The following ZDHHC17 variants were observed in gnomAD, a reference collection of about 807,000 sequenced individuals.
ZDHHC17 encodes zDHHC palmitoyltransferase 17, also known as palmitoyltransferase ZDHHC17.
In ZDHHC17, 40 loss-of-function variants were observed where a neutral mutation model predicts 90.3. The observed-to-expected ratio is 0.44, with a 90% confidence interval of 0.34 to 0.58. ZDHHC17 has a LOEUF of 0.58. ZDHHC17 is among the 20% of genes least tolerant of loss of function. The probability of loss-of-function intolerance (pLI) is 0.01; values close to 1 mark genes in which losing one functional copy is unlikely to be tolerated. For synonymous variants in ZDHHC17, 235 were observed against 252.4 expected (o/e 0.93, Z 0.65); for missense variants, 614 against 780.8 (o/e 0.79, Z 2.55).
chr12:76,846,646 A>T lies in ZDHHC17; in HGVS notation c.1474A>T (p.Met492Leu), dbSNP rs1953498441. The change falls in exon 14 of 17, where the codon ATG becomes TTG. Residue 492 changes from methionine to leucine, a missense_variant. Physicochemically the swap from Met to Leu is conservative, Grantham distance 15. Transcript: ENST00000426126. The part of the protein sequence containing the change: ...FMGYLFFLLF[M>L]ICWMIYGCIS... ...GGGCTACCTATTCTTCTTGCTTTTTATGATCTGCTGGATGATTTATGGTTG... is the reference window on the plus strand; with the variant it reads ...GGGCTACCTATTCTTCTTGCTTTTTTTGATCTGCTGGATGATTTATGGTTG... 6.2e-7 allele frequency: 1 copy of T among 1,611,940 alleles called. No homozygotes were observed.
intron 1 of ZDHHC17, among the ~76,000 whole-genome samples, chr12:76,775,568 A>G (rs1024396690): frequency 3.9e-5 from 6 of 152,224 alleles, no homozygotes; most frequent in Non-Finnish European, 5.9e-5. Flanking sequence ...TAATCCTTCA[A>G]TTAGTAGAAG....
chr12:76,774,873 A>G (rs1053746841), intron 1 of ZDHHC17, among the ~76,000 whole-genome samples: 3 of 152,224 alleles, frequency 2.0e-5, no homozygotes, highest in South Asian at 2.1e-4. Flanking sequence ...CGAAATTGCA[A>G]TAGTGACTGT....
intron 10 of ZDHHC17, among the ~76,000 whole-genome samples, chr12:76,835,427 G>C (rs915902038): frequency 8.6e-5 from 13 of 151,980 alleles, no homozygotes; most frequent in African/African-American, 3.1e-4. Context: ...TTGATACTTA[G>C]ACCTTTTATG....
chr12:76,815,434 G>GA (rs1388257820), intron 6 of ZDHHC17, among the ~76,000 whole-genome samples: 3 of 151,500 alleles, frequency 2.0e-5, no homozygotes, highest in African/African-American at 7.3e-5. Context: ...CAATATCTAA[G>GA]AAAAGAAGTT....
At chr12:76,801,479 C>T (rs948350813) in intron 2 of ZDHHC17, among the ~76,000 whole-genome samples, 3 of 151,526 alleles carry the variant, frequency 2.0e-5, no homozygotes, top group Non-Finnish European at 2.9e-5. Flanking sequence ...TGGTGAAACC[C>T]CGTCTCTACT....
At chr12:76,781,662 G>A (rs930584900) in intron 1 of ZDHHC17, 4 of 455,846 alleles carry the variant, frequency 8.8e-6, no homozygotes, top group African/African-American at 8.0e-5. Context: ...CCTTCACCTT[G>A]GACTACTCAG....
chr12:76,808,478 C>T (rs993624149), intron 3 of ZDHHC17, among the ~76,000 whole-genome samples: 13 of 152,032 alleles, frequency 8.6e-5, no homozygotes, highest in Admixed American at 2.6e-4. Context: ...CTCTCTCTCC[C>T]CCTCTCTCAA....
chr12:76,792,807 A>G (rs936572265), intron 1 of ZDHHC17, among the ~76,000 whole-genome samples: 1 of 152,180 alleles, frequency 6.6e-6, no homozygotes, highest in Non-Finnish European at 1.5e-5. Flanking sequence ...TTTTTTTTAG[A>G]AAGCAGCTAA....
At chr12:76,777,806 T>A (rs1485897335) in intron 1 of ZDHHC17, among the ~76,000 whole-genome samples, 1 of 152,068 alleles carries the variant, frequency 6.6e-6, no homozygotes, top group African/African-American at 2.4e-5. Flanking sequence ...CTAGCAGGGA[T>A]TGGGGAACTG....
At chr12:76,828,527 T>C in intron 10 of ZDHHC17, 37 bp downstream of exon 10, 1 of 1,578,472 alleles carries the variant, frequency 6.3e-7, no homozygotes, top group Non-Finnish European at 8.7e-7. Flanking sequence ...CAAAAACAAA[T>C]TTTGTTTGTT....
At chr12:76,827,911 A>T (rs1252919389) in intron 9 of ZDHHC17, among the ~76,000 whole-genome samples, 1 of 152,102 alleles carries the variant, frequency 6.6e-6, no homozygotes, top group African/African-American at 2.4e-5. Flanking sequence ...ACAACTCTTC[A>T]GTTTCACTAA....
chr12:76,766,886 G>A (rs1216520025), intron 1 of ZDHHC17, among the ~76,000 whole-genome samples: 2 of 152,026 alleles, frequency 1.3e-5, no homozygotes, highest in Admixed American at 6.6e-5. Context: ...TGAGCATGGT[G>A]GTACACGCCT....
At position 76,828,381 on chromosome 12, in the gene ZDHHC17, GT is replaced by G; in HGVS notation, c.1041-5del. ...AGAGCTCATATTTTATAAAACTTGT[GT>G]TTTACAGATCCTTTTTCGATCATTC... On this transcript the variant is annotated splice_polypyrimidine_tract_variant and splice_region_variant and intron_variant, in intron 9 of 16. Coordinates refer to ENST00000426126, the MANE Select transcript of ZDHHC17 (RefSeq NM_015336.4). The G allele has an allele frequency of 1.3e-6, 2 of 1,582,814 alleles. No individual in the cohort carries two copies. The highest frequency in any genetic ancestry group is 1.7e-6 in the Non-Finnish European group (2 of 1,168,790).
At chr12:76,806,985 G>C (rs1036728159) in intron 3 of ZDHHC17, among the ~76,000 whole-genome samples, 11 of 152,204 alleles carry the variant, frequency 7.2e-5, no homozygotes, top group Admixed American at 7.2e-4. Context: ...CAAACTTTGA[G>C]GGTAAAGGTG....
At chr12:76,809,887 A>C in intron 5 of ZDHHC17, 30 bp downstream of exon 5, 1 of 1,596,428 alleles carries the variant, frequency 6.3e-7, no homozygotes, top group Non-Finnish European at 8.5e-7. Flanking sequence ...TATGGATTTT[A>C]ATCAGATGTT....
chr12:76,830,311 T>A (rs1337741410), intron 10 of ZDHHC17, among the ~76,000 whole-genome samples: 2 of 152,214 alleles, frequency 1.3e-5, no homozygotes, highest in South Asian at 4.1e-4. Context: ...TTAAGTCCCC[T>A]TGTGTTTTAG....
intron 1 of ZDHHC17, among the ~76,000 whole-genome samples, chr12:76,774,047 C>T (rs950855290): frequency 7.9e-5 from 12 of 151,952 alleles, no homozygotes; most frequent in Non-Finnish European, 1.6e-4. Flanking sequence ...CCTAGCAATT[C>T]CAGACCAGCC....
intron 1 of ZDHHC17, among the ~76,000 whole-genome samples, chr12:76,775,637 T>C (rs1223238331): frequency 6.6e-6 from 1 of 152,200 alleles, no homozygotes; most frequent in Non-Finnish European, 1.5e-5. Context: ...TCTTTCTTAG[T>C]GGTACATACA....
chr12:76,779,811 A>G (rs979389109), intron 1 of ZDHHC17, among the ~76,000 whole-genome samples: 4 of 151,872 alleles, frequency 2.6e-5, no homozygotes, highest in African/African-American at 9.7e-5. Flanking sequence ...TTAACATTCA[A>G]GTTCATGATT....
Sources: gnomAD v4.1 joint callset for allele counts (sites outside exome capture counted in the v4.1 genomes callset) on GRCh38, gnomAD v4.1.1 for gene constraint, MANE v1.5 for transcripts, NCBI Gene and HGNC (gene_info 2026-07-23, HGNC 2026-07-21) for gene names.